Variants in PRPH2 observed in about 807,000 individuals in gnomAD.
The protein encoded by PRPH2 is peripherin-2.
Under a neutral mutation model 31.3 loss-of-function variants are expected in PRPH2, and 17 were observed. The ratio of observed to expected loss-of-function variants is 0.54; its 90% CI spans 0.37 to 0.81. The LOEUF is 0.81. PRPH2 is among the 40% of genes least tolerant of loss of function. PRPH2 has a pLI of 0.00. For synonymous variants in PRPH2, 165 were observed against 184.4 expected (o/e 0.89, Z 0.85); for missense variants, 430 against 439.7 (o/e 0.98, Z 0.20).
chr6:42,709,430 C>T (rs768619477), intron 1 of PRPH2, among the ~76,000 whole-genome samples: 1 of 151,988 alleles, frequency 6.6e-6, no homozygotes, highest in Non-Finnish European at 1.5e-5. Flanking sequence ...CCTGACTTGA[C>T]CTTTCATTCA....
At chr6:42,715,992 C>T (rs1189183847) in intron 1 of PRPH2, among the ~76,000 whole-genome samples, 2 of 152,154 alleles carry the variant, frequency 1.3e-5, no homozygotes, top group African/African-American at 4.8e-5. Context: ...TTTCTCTAGC[C>T]CAGTCCGGTG....
chr6:42,713,450 C>G (rs1761713362), intron 1 of PRPH2, among the ~76,000 whole-genome samples: 1 of 152,180 alleles, frequency 6.6e-6, no homozygotes, highest in Non-Finnish European at 1.5e-5. Flanking sequence ...CCATTTACCA[C>G]AGGCGCCGCA....
intron 2 of PRPH2, among the ~76,000 whole-genome samples, chr6:42,703,846 T>C (rs1253022954): frequency 1.3e-5 from 2 of 152,100 alleles, no homozygotes. Flanking sequence ...CTCACACCTG[T>C]AAACCCAGAC....
Position 42,722,130 on chromosome 6 carries a change from C to T in PRPH2, c.205G>A (p.Val69Met). 1.9e-6 allele frequency: 3 copies of T among 1,614,124 alleles called. No homozygotes were observed. The highest frequency in any genetic ancestry group is 2.2e-5 in the East Asian group (1 of 44,886). ...FVPNSLIGMGVLSCVFNSLAG... is the reference protein window; with the variant it reads ...FVPNSLIGMGMLSCVFNSLAG... ...AGCGAGTTGAAGACACAGGATAGCACCCCCATCCCTATCAATGAGTTGGGC... is the reference window on the plus strand; with the variant it reads ...AGCGAGTTGAAGACACAGGATAGCATCCCCATCCCTATCAATGAGTTGGGC... Residue 69 changes from valine (V) to methionine (M), a missense_variant, in exon 1 of 3, where the codon GTG (valine) becomes ATG (methionine). Transcript: ENST00000230381. This position sits in a 1 kb window ranked among gnomAD's most constrained non-coding sequence, Gnocchi z 4.4.
At chr6:42,720,891 A>G (rs1256652675) in intron 1 of PRPH2, among the ~76,000 whole-genome samples, 1 of 152,250 alleles carries the variant, frequency 6.6e-6, no homozygotes, top group African/African-American at 2.4e-5. Flanking sequence ...GCCAGTGCAC[A>G]GGCTGTTCCC....
intron 1 of PRPH2, among the ~76,000 whole-genome samples, chr6:42,709,334 TAAAAAAA>T (rs58632063): frequency 2.6e-5 from 2 of 77,048 alleles, no homozygotes; most frequent in African/African-American, 9.9e-5. Context: ...TGTCTCAAAT[TAAAAAAA>T]AAAAAAAAAA....
chr6:42,712,016 C>T (rs1761664897), intron 1 of PRPH2: 1 of 970,978 alleles, frequency 1.0e-6, no homozygotes, highest in Non-Finnish European at 1.2e-6. Flanking sequence ...CACAGAGCGG[C>T]ACTGTAGGAA....
At position 42,722,001 on chromosome 6, in the gene PRPH2, G is replaced by A. The variant is rs757778182; in HGVS notation, c.334C>T (p.Leu112Phe). 1.2e-6 allele frequency: 2 copies of A among 1,614,120 alleles called. No individual in the cohort carries two copies. Among genetic ancestry groups the A allele is most frequent in the East Asian group, 2.2e-5 (1 of 44,880 alleles). The change falls in exon 1 of 3, where the codon CTC becomes TTC. Residue 112 changes from leucine to phenylalanine, a missense_variant. Physicochemically the swap from Leu to Phe is conservative, Grantham distance 22 (BLOSUM62 0). Coordinates refer to ENST00000230381, the MANE Select transcript of PRPH2 (RefSeq NM_000322.5). This position sits in a 1 kb window ranked among gnomAD's most constrained non-coding sequence, Gnocchi z 4.4. ...LAICVLFNII[L>F]FLVALCCFLL... is the part of the protein sequence containing the mutation. ...AAGCAGCAGAGAGCCACAAGGAAGA[G>A]GATGATGTTGAAGAGAACACAGATA...
chr6:42,717,224 C>G, intron 1 of PRPH2, among the ~76,000 whole-genome samples: 1 of 151,054 alleles, frequency 6.6e-6, no homozygotes, highest in East Asian at 2.0e-4. Flanking sequence ...ACCAGCCTGG[C>G]CAACATGGTG....
intron 1 of PRPH2, among the ~76,000 whole-genome samples, chr6:42,711,520 T>C (rs982503851): frequency 4.7e-5 from 7 of 149,714 alleles, no homozygotes; most frequent in African/African-American, 1.7e-4. Flanking sequence ...GGACCCTAGT[T>C]TGAGGGAAAC....
At chr6:42,708,292 C>A (rs754334826) in intron 1 of PRPH2, among the ~76,000 whole-genome samples, 1 of 152,242 alleles carries the variant, frequency 6.6e-6, no homozygotes, top group African/African-American at 2.4e-5. Context: ...GGGCCTGACA[C>A]GGAGCACCTG....
At chr6:42,719,847 G>T (rs1321150516) in intron 1 of PRPH2, among the ~76,000 whole-genome samples, 1 of 152,072 alleles carries the variant, frequency 6.6e-6, no homozygotes, top group Non-Finnish European at 1.5e-5. Flanking sequence ...GGGATTACAG[G>T]TGTGAGCTAC....
intron 1 of PRPH2, among the ~76,000 whole-genome samples, chr6:42,713,289 G>T (rs1761710970): frequency 6.6e-6 from 1 of 151,986 alleles, no homozygotes; most frequent in Non-Finnish European, 1.5e-5. Flanking sequence ...AAAAGACAGA[G>T]TCAGTGAGGG....
chr6:42,721,023 T>A (rs1761892709), intron 1 of PRPH2, among the ~76,000 whole-genome samples: 1 of 152,232 alleles, frequency 6.6e-6, no homozygotes, highest in African/African-American at 2.4e-5. Context: ...CTATCATGAC[T>A]CGCTAAGTAA....
intron 2 of PRPH2, among the ~76,000 whole-genome samples, chr6:42,704,160 T>G (rs1375809152): frequency 1.7e-5 from 2 of 118,392 alleles, no homozygotes; most frequent in Non-Finnish European, 3.7e-5. Flanking sequence ...AAAAAAGAAA[T>G]AAATGAATAA....
At chr6:42,719,682 G>A (rs1263939101) in intron 1 of PRPH2, among the ~76,000 whole-genome samples, 1 of 145,340 alleles carries the variant, frequency 6.9e-6, no homozygotes, top group African/African-American at 2.5e-5. Context: ...GCGTTCTCCC[G>A]CCTCAGCCTC....
intron 1 of PRPH2, chr6:42,711,987 C>T (rs751935422): frequency 2.0e-6 from 2 of 984,922 alleles, no homozygotes; most frequent in Non-Finnish European, 2.4e-6. Flanking sequence ...TGTCCTTCCT[C>T]ATGTGCTACG....
At chr6:42,720,954 C>T (rs554134404) in intron 1 of PRPH2, among the ~76,000 whole-genome samples, 49 of 152,314 alleles carry the variant, frequency 3.2e-4, no homozygotes, top group African/African-American at 1.1e-3. Context: ...CACAGCCCAT[C>T]GCAGCATTTT....
At chr6:42,702,179 T>C (rs1383240729) in intron 2 of PRPH2, among the ~76,000 whole-genome samples, 1 of 150,974 alleles carries the variant, frequency 6.6e-6, no homozygotes, top group Non-Finnish European at 1.5e-5. Context: ...GAGTCTGAGG[T>C]TGCCGTGAGC....
Sources: allele counts gnomAD v4.1 joint callset (sites outside exome capture counted in the v4.1 genomes callset), GRCh38; gene constraint gnomAD v4.1.1; non-coding constraint Gnocchi (gnomAD v3.1); transcripts MANE v1.5; gene names NCBI Gene and HGNC (gene_info 2026-07-23, HGNC 2026-07-21).